The following AGBL4 variants were observed in gnomAD, a reference collection of about 807,000 sequenced individuals.
AGBL4 encodes AGBL carboxypeptidase 4, also known as cytosolic carboxypeptidase 6.
In AGBL4, 58 loss-of-function variants were observed where a neutral mutation model predicts 66.4. The ratio of observed to expected loss-of-function variants is 0.87; its 90% confidence interval spans 0.71 to 1.09. The LOEUF is 1.09. Among genes scored for constraint, AGBL4 ranks in the 50% least tolerant of loss-of-function variants. AGBL4 has a pLI of 0.00. For missense variants in AGBL4, 579 were observed against 631.0 expected (o/e 0.92, Z 0.88); for synonymous variants, 234 against 222.9 (o/e 1.05, Z -0.44).
chr1:49,320,957 T>A (rs1645122702), intron 3 of AGBL4, among the ~76,000 whole-genome samples: 1 of 152,090 alleles, frequency 6.6e-6, no homozygotes, highest in African/African-American at 2.4e-5. Flanking sequence ...CCATCAGATC[T>A]AGTGAAAACT....
chr1:49,782,721 G>A (rs1644365427), intron 2 of AGBL4, among the ~76,000 whole-genome samples: 1 of 152,104 alleles, frequency 6.6e-6, no homozygotes, highest in Admixed American at 6.6e-5. Flanking sequence ...CATGGGTGTG[G>A]GTGCATTACT....
intron 11 of AGBL4, among the ~76,000 whole-genome samples, chr1:48,582,338 C>T (rs1448628897): frequency 3.3e-5 from 5 of 152,156 alleles, no homozygotes; most frequent in South Asian, 2.1e-4. Flanking sequence ...ATATAACTTA[C>T]ATTTTAGAAT....
intron 4 of AGBL4, among the ~76,000 whole-genome samples, chr1:49,165,218 C>T (rs989166056): frequency 8.6e-5 from 13 of 150,916 alleles, no homozygotes; most frequent in Non-Finnish European, 2.9e-5. Context: ...AGCAAAGGCA[C>T]GAAGGAAGAA....
intron 4 of AGBL4, among the ~76,000 whole-genome samples, chr1:49,085,937 T>C (rs1644899430): frequency 6.6e-6 from 1 of 152,216 alleles, no homozygotes; most frequent in Non-Finnish European, 1.5e-5. Flanking sequence ...AGCGTTGGTG[T>C]CATCACCCCA....
chr1:48,863,994 A>G (rs1317896808), intron 6 of AGBL4, among the ~76,000 whole-genome samples: 1 of 152,164 alleles, frequency 6.6e-6, no homozygotes, highest in African/African-American at 2.4e-5. Context: ...CACATCATGG[A>G]AAAAATTTAA....
intron 1 of AGBL4, among the ~76,000 whole-genome samples, chr1:50,015,939 G>C (rs1320782667): frequency 1.3e-5 from 2 of 152,146 alleles, no homozygotes; most frequent in Admixed American, 6.5e-5. Flanking sequence ...TAACTGGCTA[G>C]TCACATGAAG....
chr1:49,679,349 T>C (rs1008449225), intron 3 of AGBL4, among the ~76,000 whole-genome samples: 10 of 152,066 alleles, frequency 6.6e-5, no homozygotes, highest in Non-Finnish European at 1.3e-4. Context: ...TATATACTTC[T>C]GGTTTATTAT....
chr1:49,877,541 G>T (rs1171577530), intron 1 of AGBL4, among the ~76,000 whole-genome samples: 6 of 151,440 alleles, frequency 4.0e-5, no homozygotes, highest in East Asian at 1.9e-4. Context: ...CTTTTTGATG[G>T]GCTGCTGGAT....
At chr1:48,697,126 G>A (rs1646724465) in intron 6 of AGBL4, among the ~76,000 whole-genome samples, 2 of 152,188 alleles carry the variant, frequency 1.3e-5, no homozygotes, top group African/African-American at 2.4e-5. Context: ...CCTGCCAGTA[G>A]AGGATTCAGC....
chr1:48,726,600 T>C (rs1334982485), intron 6 of AGBL4, among the ~76,000 whole-genome samples: 1 of 152,174 alleles, frequency 6.6e-6, no homozygotes, highest in Non-Finnish European at 1.5e-5. Flanking sequence ...TTCCTCCTTA[T>C]TACTGATAAG....
chr1:49,144,795 C>G (rs184918108), intron 4 of AGBL4, among the ~76,000 whole-genome samples: 3 of 152,078 alleles, frequency 2.0e-5, no homozygotes, highest in African/African-American at 4.8e-5. Context: ...GAGGAAGACA[C>G]GTAGTTAGGT....
intron 6 of AGBL4, among the ~76,000 whole-genome samples, chr1:48,683,439 C>T (rs1337815957): frequency 1.3e-5 from 2 of 152,248 alleles, no homozygotes; most frequent in Non-Finnish European, 2.9e-5. Flanking sequence ...TGCCACTCCA[C>T]ATGTGCAGTC....
chr1:49,045,433 T>G (rs1644053719), intron 5 of AGBL4, 151 bp downstream of exon 5: 2 of 573,954 alleles, frequency 3.5e-6, no homozygotes, highest in African/African-American at 3.7e-5. Context: ...TAATACTAAT[T>G]ATATAATTGT....
At chr1:49,859,805 C>T (rs530694700) in intron 1 of AGBL4, among the ~76,000 whole-genome samples, 7 of 152,034 alleles carry the variant, frequency 4.6e-5, no homozygotes, top group African/African-American at 7.2e-5. Context: ...CATACTGTCC[C>T]TATTCATACA....
At chr1:48,528,329 A>G (rs1164453891), downstream of AGBL4, among the ~76,000 whole-genome samples, 1 of 152,186 alleles carries the variant, frequency 6.6e-6, no homozygotes, top group African/African-American at 2.4e-5. Flanking sequence ...CTGAGCAATT[A>G]GATGGAAAAA....
chr1:49,694,605 C>T (rs1451540199), intron 3 of AGBL4, among the ~76,000 whole-genome samples: 2 of 152,242 alleles, frequency 1.3e-5, no homozygotes, highest in Non-Finnish European at 2.9e-5. Flanking sequence ...ATCCACAAAA[C>T]AGACCCAACT....
chr1:49,877,206 G>A (rs1647040140), intron 1 of AGBL4, among the ~76,000 whole-genome samples: 1 of 151,200 alleles, frequency 6.6e-6, no homozygotes, highest in Non-Finnish European at 1.5e-5. Context: ...TTGAATAGGA[G>A]TGGTGAGAGA....
chr1:48,711,366 G>C (rs572466672), intron 6 of AGBL4, among the ~76,000 whole-genome samples: 1 of 152,284 alleles, frequency 6.6e-6, no homozygotes, highest in South Asian at 2.1e-4. Flanking sequence ...TTTGGGGTGA[G>C]CCTGTCAGTT....
At chr1:49,469,110 G>A (rs1646688080) in intron 3 of AGBL4, among the ~76,000 whole-genome samples, 1 of 151,732 alleles carries the variant, frequency 6.6e-6, no homozygotes. Context: ...TTATGCATAT[G>A]ATTCATCTGC....
Sources: allele counts gnomAD v4.1 joint callset (sites outside exome capture counted in the v4.1 genomes callset), GRCh38; gene constraint gnomAD v4.1.1; transcripts MANE v1.5; gene names NCBI Gene and HGNC (gene_info 2026-07-23, HGNC 2026-07-21).